The following SNX29 variants were observed in gnomAD, a reference collection of about 807,000 sequenced individuals.
The protein encoded by SNX29 is sorting nexin 29.
Under a neutral mutation model 102.1 loss-of-function variants are expected in SNX29, and 78 were observed. The observed-to-expected ratio is 0.76, with a 90% CI of 0.64 to 0.92. The LOEUF (loss-of-function observed/expected upper bound fraction) is 0.92. Ranked by LOEUF, SNX29 falls within the 40% of genes least tolerant of loss-of-function variation. The probability of loss-of-function intolerance (pLI) is 0.00; values close to 1 mark genes in which losing one functional copy is unlikely to be tolerated. For missense variants in SNX29, 1,280 were observed against 1,061.7 expected (o/e 1.21, Z -2.86); for synonymous variants, 580 against 414.5 (o/e 1.40, Z -4.85).
chr16:12,547,328 C>A (rs1318705307), intron 20 of SNX29, among the ~76,000 whole-genome samples: 1 of 152,166 alleles, frequency 6.6e-6, no homozygotes, highest in Non-Finnish European at 1.5e-5. Context: ...AACAGAGAGG[C>A]CTTGCAGCCA....
chr16:12,307,696 T>C lies in SNX29; in HGVS notation c.1782+29660T>C, dbSNP rs74634180. The stretch of plus-strand genomic sequence containing the variant: ...GAAGCCTGGAATGGCGTGGAGAATC[T>C]GTCTTGAGGGCCTGCCTGTCTGCAC... On this transcript the variant is annotated intron_variant, in intron 15 of 20. Coordinates refer to ENST00000566228, the MANE Select transcript of SNX29 (RefSeq NM_032167.5). Among the ~76,000 whole-genome samples the C allele has an allele frequency of 4.1e-3, 632 of 152,334 alleles. 5 individuals carry two copies. The highest frequency in any genetic ancestry group is 0.014 in the African/African-American group (589 of 41,574).
At chr16:12,406,450 T>C (rs1184150901) in intron 18 of SNX29, among the ~76,000 whole-genome samples, 2 of 152,198 alleles carry the variant, frequency 1.3e-5, no homozygotes, top group Non-Finnish European at 2.9e-5. Flanking sequence ...TCTTAAGATT[T>C]CCCTTGAAGG....
chr16:12,395,223 G>A (rs1289073387), intron 16 of SNX29, among the ~76,000 whole-genome samples: 3 of 152,168 alleles, frequency 2.0e-5, no homozygotes, highest in Admixed American at 6.5e-5. Flanking sequence ...CAGTCAAAGT[G>A]GCAGGGTGGG....
At chr16:12,555,373 C>T (rs955325334) in intron 20 of SNX29, among the ~76,000 whole-genome samples, 2 of 152,058 alleles carry the variant, frequency 1.3e-5, no homozygotes, top group Non-Finnish European at 2.9e-5. Context: ...CCATGAGGCG[C>T]TCCCTGTCTT....
At position 12,571,783 on chromosome 16, in the gene SNX29, C is replaced by A; in HGVS notation, c.*3154C>A. ...TGATCTGAGACAGAACCTTCTCCGC[C>A]ACTCTTCCTGCAATCAGTGTGAAAT... On this transcript the variant is annotated 3_prime_UTR_variant, in exon 21 of 21. Transcript: ENST00000566228. 1 of 1,011,056 alleles carries A rather than the reference C, an allele frequency of 9.9e-7. No individual in the cohort carries two copies. The highest frequency in any genetic ancestry group is 1.2e-6 in the Non-Finnish European group (1 of 830,940). 62.6% of individuals were successfully genotyped at this position (1,011,056 alleles called of 1,614,324 possible). A position where few individuals can be genotyped will look rare whatever the true frequency, so the allele number is the denominator to read the frequency against.
chr16:12,164,499 T>C (rs371408552), intron 13 of SNX29, among the ~76,000 whole-genome samples: 2 of 152,146 alleles, frequency 1.3e-5, no homozygotes, highest in South Asian at 2.1e-4. Flanking sequence ...CTTGAGAAGA[T>C]TGAGTACTGT....
At position 12,466,209 on chromosome 16, in the gene SNX29, C is replaced by G. The variant is rs532883688; in HGVS notation, c.2038-11510C>G. Among the ~76,000 whole-genome samples, 6 of 152,304 alleles carry G rather than the reference C, an allele frequency of 3.9e-5. No individual in the cohort carries two copies. The South Asian group carries it at 1.2e-3, about 32-fold the overall frequency. On this transcript the variant is annotated intron_variant, in intron 18 of 20. Transcript: ENST00000566228. ...TGGAAAAGCAGAAGTTAAATTCTCT[C>G]TATTTGCAGATGATATCATGTCATA...
At chr16:12,489,277 A>G (rs1216906486) in intron 19 of SNX29, among the ~76,000 whole-genome samples, 1 of 148,818 alleles carries the variant, frequency 6.7e-6, no homozygotes, top group East Asian at 2.0e-4. Flanking sequence ...TTCATCTCTA[A>G]CACGCTGGAA....
intron 14 of SNX29, among the ~76,000 whole-genome samples, chr16:12,248,132 G>C (rs1475175053): frequency 6.6e-6 from 1 of 152,190 alleles, no homozygotes; most frequent in South Asian, 2.1e-4. Context: ...GAAAATAGAA[G>C]TTGGCTCATG....
intron 3 of SNX29, among the ~76,000 whole-genome samples, chr16:12,026,985 C>G (rs1418664396): frequency 1.3e-5 from 2 of 152,188 alleles, no homozygotes; most frequent in Non-Finnish European, 2.9e-5. Context: ...GCTCCCCACA[C>G]TGAACTGATT....
intron 4 of SNX29, among the ~76,000 whole-genome samples, chr16:12,028,091 TCTC>T (rs1473780309): frequency 1.3e-5 from 2 of 152,172 alleles, no homozygotes; most frequent in Admixed American, 6.6e-5. Context: ...TGTCCTGTGG[TCTC>T]CTCCTCCCCT....
intron 18 of SNX29, among the ~76,000 whole-genome samples, chr16:12,410,226 C>T (rs2084342996): frequency 6.6e-6 from 1 of 152,256 alleles, no homozygotes; most frequent in South Asian, 2.1e-4. Context: ...GATCTTCTGA[C>T]CTCGTGATCC....
intron 11 of SNX29, among the ~76,000 whole-genome samples, chr16:12,104,097 A>G (rs908580749): frequency 2.0e-5 from 3 of 152,210 alleles, no homozygotes; most frequent in Non-Finnish European, 4.4e-5. Flanking sequence ...GTTTCCTTGA[A>G]ACGGTGGCTA....
chr16:12,116,684 G>A (rs1039053358), intron 11 of SNX29, among the ~76,000 whole-genome samples: 1 of 152,190 alleles, frequency 6.6e-6, no homozygotes, highest in Admixed American at 6.5e-5. Flanking sequence ...AAAAAAAGAA[G>A]GAATGAGGCA....
chr16:12,350,134 C>T (rs746852229), intron 15 of SNX29, among the ~76,000 whole-genome samples: 15 of 152,188 alleles, frequency 9.9e-5, no homozygotes, highest in Admixed American at 4.6e-4. Context: ...GTGTGTGTGG[C>T]ACTTGCTGTG....
intron 14 of SNX29, among the ~76,000 whole-genome samples, chr16:12,206,483 G>T (rs1163583355): frequency 6.6e-6 from 1 of 151,388 alleles, no homozygotes; most frequent in Non-Finnish European, 1.5e-5. Flanking sequence ...CTGCCAACAC[G>T]ATGTCACTGT....
intron 20 of SNX29, among the ~76,000 whole-genome samples, chr16:12,535,740 G>A (rs148002170): frequency 3.3e-5 from 5 of 152,088 alleles, no homozygotes; most frequent in African/African-American, 9.7e-5. Flanking sequence ...GCTTGGTCAC[G>A]CTCGTCTTCC....
intron 14 of SNX29, among the ~76,000 whole-genome samples, chr16:12,276,382 C>G (rs977819059): frequency 6.6e-6 from 1 of 152,212 alleles, no homozygotes; most frequent in Admixed American, 6.5e-5. Context: ...CCTGCTGTCA[C>G]TCAGGGTCTT....
intron 3 of SNX29, among the ~76,000 whole-genome samples, chr16:12,026,132 G>T (rs577896815): frequency 1.3e-5 from 2 of 152,208 alleles, no homozygotes; most frequent in African/African-American, 2.4e-5. Flanking sequence ...GAGCCGGATG[G>T]TGGTGGCCTC....
Sources: allele counts gnomAD v4.1 joint callset (sites outside exome capture counted in the v4.1 genomes callset), GRCh38; gene constraint gnomAD v4.1.1; transcripts MANE v1.5; gene names NCBI Gene and HGNC (gene_info 2026-07-23, HGNC 2026-07-21).